DMD: variants seen among roughly 807,000 people sequenced by gnomAD.
The protein encoded by DMD is dystrophin, also known as mutant dystrophin.
DMD carries 63 observed loss-of-function variants against 330.1 expected under a neutral mutation model. The observed-to-expected ratio is 0.19, with a 90% confidence interval of 0.16 to 0.24. The LOEUF is 0.24. DMD is among the 10% of genes least tolerant of loss of function. DMD has a pLI of 1.00. For missense variants in DMD, 3,344 were observed against 2,684.1 expected (o/e 1.25, Z -5.43); for synonymous variants, 1,223 against 959.8 (o/e 1.27, Z -5.07).
intron 29 of DMD, among the ~76,000 whole-genome samples, chrX:32,417,691 C>T (rs1259184117): frequency 9.0e-6 from 1 of 110,720 alleles, no homozygotes; most frequent in Non-Finnish European, 1.9e-5. Flanking sequence ...ACCTCAGGAT[C>T]AAGAGGCTTG....
At chrX:31,842,188 G>A (rs1160833801) in intron 48 of DMD, among the ~76,000 whole-genome samples, 1 of 111,661 alleles carries the variant, frequency 9.0e-6, no homozygotes, top group African/African-American at 3.3e-5. Context: ...GAAGTCACTG[G>A]ATGTGGAGAA....
chrX:32,536,825 G>T (rs1185884601), intron 17 of DMD, among the ~76,000 whole-genome samples: 1 of 111,400 alleles, frequency 9.0e-6, no homozygotes, highest in Admixed American at 9.6e-5. Context: ...GATCACAAAA[G>T]AATTTCTACG....
At chrX:32,473,588 T>A (rs946679394) in intron 21 of DMD, among the ~76,000 whole-genome samples, 8 of 111,748 alleles carry the variant, frequency 7.2e-5, no homozygotes, top group African/African-American at 2.6e-4. Context: ...ATTTTGCATG[T>A]ATTTAATGTA....
intron 53 of DMD, among the ~76,000 whole-genome samples, chrX:31,660,352 C>T (rs1444652122): frequency 1.8e-5 from 2 of 112,279 alleles, no homozygotes; most frequent in Non-Finnish European, 3.8e-5. Context: ...AAAGGCTTGC[C>T]TTTTCTAGAA....
At chrX:32,236,802 G>A (rs1049155310) in intron 43 of DMD, among the ~76,000 whole-genome samples, 1 of 111,645 alleles carries the variant, frequency 9.0e-6, no homozygotes, top group African/African-American at 3.3e-5. Flanking sequence ...CTAATATGAA[G>A]TAATTTTTCC....
chrX:32,393,617 A>G (rs1006040898), intron 30 of DMD, among the ~76,000 whole-genome samples: 1 of 111,513 alleles, frequency 9.0e-6, no homozygotes, highest in African/African-American at 3.3e-5. Flanking sequence ...AAAGAGGGAA[A>G]CAGGGTACAT....
At chrX:32,624,452 T>C (rs1205598855) in intron 11 of DMD, among the ~76,000 whole-genome samples, 4 of 112,016 alleles carry the variant, frequency 3.6e-5, no homozygotes, top group South Asian at 3.7e-4. Context: ...TTTGGCAACA[T>C]AGAGTTACAG....
chrX:32,833,690 A>G (rs5971662), intron 4 of DMD, among the ~76,000 whole-genome samples: 3 of 47,244 alleles, frequency 6.4e-5, no homozygotes, highest in Non-Finnish European at 1.3e-4. Flanking sequence ...ACTAATTTCA[A>G]GTAAAAAAAA....
At position 32,513,634 on chromosome X, in the gene DMD, T is replaced by C. The variant is rs182615037; in HGVS notation, c.2292+4374A>G. On this transcript the variant is annotated intron_variant, in intron 18 of 78. Coordinates refer to ENST00000357033, the MANE Select transcript of DMD (RefSeq NM_004006.3). Reference sequence around the variant, plus strand: ...GCAGGGTGAAAGGAAGGAGAAAGAATAAAGGAGGTCTGGGGAAATAATGAG... The same window carrying C: ...GCAGGGTGAAAGGAAGGAGAAAGAACAAAGGAGGTCTGGGGAAATAATGAG... Among the ~76,000 whole-genome samples the C allele has an allele frequency of 2.5e-3, 277 of 111,368 alleles. 1 individual carries two copies. Among genetic ancestry groups the C allele is most frequent in the African/African-American group, 8.8e-3 (268 of 30,626 alleles).
intron 44 of DMD, among the ~76,000 whole-genome samples, chrX:32,150,240 G>T (rs749947256): frequency 1.8e-5 from 2 of 112,216 alleles, no homozygotes; most frequent in Non-Finnish European, 3.8e-5. Flanking sequence ...AAAGTTATGA[G>T]GATAAAACAG....
At chrX:33,174,139 A>G (rs1474237685) in intron 1 of DMD, among the ~76,000 whole-genome samples, 1 of 110,112 alleles carries the variant, frequency 9.1e-6, no homozygotes, top group African/African-American at 3.3e-5. Context: ...CATGGGAACG[A>G]CAAGGAGAAC....
chrX:32,514,889 A>G (rs1033859507), intron 18 of DMD, among the ~76,000 whole-genome samples: 12 of 112,560 alleles, frequency 1.1e-4, no homozygotes, highest in Non-Finnish European at 1.5e-4. Context: ...ATGCTGAAAT[A>G]ACTAAGAATG....
Position 31,960,369 on chromosome X carries a change from CA to C in DMD, c.6614+7969del, listed in dbSNP as rs756456303. 2.5e-3 allele frequency among the ~76,000 whole-genome samples: 275 copies of C among 110,711 alleles called. 1 individual carries two copies. Among genetic ancestry groups the C allele is most frequent in the African/African-American group, 8.5e-3 (260 of 30,506 alleles). Reference sequence around the variant, plus strand: ...CAATAGGTTTGGAGTGGGAATTGGGCAGTTTATATGTAGAAAATGAAGAGTT... The same window carrying C: ...CAATAGGTTTGGAGTGGGAATTGGGCGTTTATATGTAGAAAATGAAGAGTT... On this transcript the variant is annotated intron_variant, in intron 45 of 78. Coordinates refer to ENST00000357033, the MANE Select transcript of DMD (RefSeq NM_004006.3).
intron 11 of DMD, among the ~76,000 whole-genome samples, chrX:32,615,223 C>A: frequency 9.0e-6 from 1 of 111,393 alleles, no homozygotes; most frequent in Middle Eastern, 4.6e-3. Flanking sequence ...GTTTGGACGT[C>A]ATTTGATACA....
chrX:32,479,475 T>C (rs144677897), intron 21 of DMD, among the ~76,000 whole-genome samples: 1,137 of 110,405 alleles, frequency 0.01, 7 homozygotes, highest in African/African-American at 0.035. Context: ...CCTTTCTATT[T>C]TCTGTTTCTA....
At chrX:32,399,303 A>G (rs367660190) in intron 30 of DMD, among the ~76,000 whole-genome samples, 1 of 111,590 alleles carries the variant, frequency 9.0e-6, no homozygotes, top group Non-Finnish European at 1.9e-5. Context: ...GAGACAACCC[A>G]TGGAATGGGA....
chrX:32,908,230 G>A lies in DMD; in HGVS notation c.94-58410C>T, dbSNP rs2086892207. Among the ~76,000 whole-genome samples the A allele has an allele frequency of 3.6e-5, 4 of 111,079 alleles. No individual in the cohort carries two copies. In the South Asian group the frequency reaches 1.5e-3, roughly 42 times the overall value. On this transcript the variant is annotated intron_variant, in intron 2 of 78. Coordinates refer to ENST00000357033, the MANE Select transcript of DMD (RefSeq NM_004006.3). ...AGTGACATTAATATCATCATCAAAC[G>A]GTATTATAATTTCTCATATTTTAAT...
intron 76 of DMD, among the ~76,000 whole-genome samples, chrX:31,142,961 TAAAAG>T (rs2036253793): frequency 8.9e-6 from 1 of 111,946 alleles, no homozygotes; most frequent in South Asian, 3.8e-4. Flanking sequence ...ATGTTTCACT[TAAAAG>T]AAAATCAGTC....
chrX:32,459,786 G>C (rs1235902067), intron 25 of DMD, among the ~76,000 whole-genome samples: 2 of 111,095 alleles, frequency 1.8e-5, no homozygotes, highest in African/African-American at 6.5e-5. Flanking sequence ...CTGTTAAAAA[G>C]AATAAAGGAA....
Sources: allele counts gnomAD v4.1 joint callset (sites outside exome capture counted in the v4.1 genomes callset), GRCh38; gene constraint gnomAD v4.1.1; transcripts MANE v1.5; gene names NCBI Gene and HGNC (gene_info 2026-07-23, HGNC 2026-07-21).